CACNA1C: variants seen among roughly 807,000 people sequenced by gnomAD.
The protein encoded by CACNA1C is voltage-dependent L-type calcium channel subunit alpha-1C.
A neutral mutation model predicts 229.0 loss-of-function variants in CACNA1C; 30 were observed. That is an observed-to-expected ratio of 0.13 (90% CI 0.10 to 0.18). CACNA1C has a LOEUF of 0.18. Ranked by LOEUF, CACNA1C falls within the 10% of genes least tolerant of loss-of-function variation. The pLI, the probability that CACNA1C is intolerant of heterozygous loss-of-function variation, is 1.00. For synonymous variants in CACNA1C, 1,114 were observed against 1,132.5 expected (o/e 0.98, Z 0.33); for missense variants, 1,658 against 2,845.0 (o/e 0.58, Z 9.49).
intron 9 of CACNA1C, among the ~76,000 whole-genome samples, chr12:2,514,373 A>G (rs998369974): frequency 3.0e-4 from 45 of 152,220 alleles, no homozygotes; most frequent in Non-Finnish European, 7.3e-5. Flanking sequence ...ACAACAAGGG[A>G]CTGTTAACAA....
rs533822579 is a variant in CACNA1C at position 2,346,020 on chromosome 12, C to T, written c.478-102956C>T. 1.2e-4 allele frequency among the ~76,000 whole-genome samples: 19 copies of T among 152,242 alleles called. No individual in the cohort carries two copies. Among genetic ancestry groups the T allele is most frequent in the African/African-American group, 4.1e-4 (17 of 41,534 alleles). ...GCTTGGTCTGTGAAGGAACGTGGGC[C>T]GTATGGCAGTGATGGGAGGAGGCTG... On this transcript the variant is annotated intron_variant, in intron 3 of 46. Transcript: ENST00000399655. This position sits in a 1 kb window ranked among gnomAD's most constrained non-coding sequence, Gnocchi z 4.4.
chr12:2,092,208 C>T (rs1049708600), intron 1 of CACNA1C, among the ~76,000 whole-genome samples: 6 of 152,166 alleles, frequency 3.9e-5, no homozygotes, highest in African/African-American at 1.2e-4. Context: ...CTTTATTGCC[C>T]GCCTCCTTCC....
chr12:2,429,187 C>A (rs930467346), intron 3 of CACNA1C, among the ~76,000 whole-genome samples: 2 of 151,992 alleles, frequency 1.3e-5, no homozygotes, highest in Non-Finnish European at 2.9e-5. Flanking sequence ...ATAAGGACAT[C>A]AACATATTGG....
chr12:1,995,780 C>T (rs2040648619), intron 1 of CACNA1C, among the ~76,000 whole-genome samples: 1 of 152,224 alleles, frequency 6.6e-6, no homozygotes, highest in Admixed American at 6.5e-5. Flanking sequence ...CATAAACCCT[C>T]ATCGGTTCCT....
intron 3 of CACNA1C, among the ~76,000 whole-genome samples, chr12:2,283,020 C>CA (rs2091812045): frequency 6.9e-6 from 1 of 144,342 alleles, no homozygotes; most frequent in South Asian, 2.2e-4. Context: ...CACTCTGGCC[C>CA]TTTTTTTTTT....
At chr12:2,567,979 G>C (rs1423539155) in intron 13 of CACNA1C, among the ~76,000 whole-genome samples, 185 bp downstream of exon 13, 1 of 152,120 alleles carries the variant, frequency 6.6e-6, no homozygotes, top group African/African-American at 2.4e-5. Context: ...AATTCCTCTG[G>C]CTGCTAATAC....
intron 34 of CACNA1C, among the ~76,000 whole-genome samples, chr12:2,656,800 C>T (rs1324667743): frequency 2.0e-5 from 3 of 152,142 alleles, no homozygotes; most frequent in Non-Finnish European, 4.4e-5. Flanking sequence ...AGTTGATTTT[C>T]GACAAAGGTG....
Position 2,512,104 on chromosome 12 carries a change from A to T in CACNA1C, c.1218-708A>T, listed in dbSNP as rs373623179. 6.6e-6 allele frequency among the ~76,000 whole-genome samples: 1 copy of T among 152,220 alleles called. No individual in the cohort carries two copies. The highest frequency in any genetic ancestry group is 1.5e-5 in the Non-Finnish European group (1 of 68,044). ...GGCAGGTTGAGCTCGTCATAAGAAT[A>T]GAGATTGAGGACATTAAATCTCCTG... On this transcript the variant is annotated intron_variant, in intron 8 of 46. Coordinates refer to ENST00000399655, the MANE Select transcript of CACNA1C (RefSeq NM_000719.7). The surrounding 1 kb of genome is among the most constrained non-coding windows in gnomAD (Gnocchi z 4.3).
chr12:2,563,301 G>T (rs528558858), intron 11 of CACNA1C, among the ~76,000 whole-genome samples: 1 of 152,330 alleles, frequency 6.6e-6, no homozygotes, highest in South Asian at 2.1e-4. Context: ...GGTTGATTCT[G>T]TATCTTGGCT....
rs1355298796 is a variant in CACNA1C, at chr12:2,019,634, AAG to A, written c.139+48435_139+48436del. 1.3e-5 allele frequency among the ~76,000 whole-genome samples: 2 copies of A among 151,782 alleles called. 1 individual carries two copies. The highest frequency in any genetic ancestry group is 4.8e-5 in the African/African-American group (2 of 41,270). On this transcript the variant is annotated intron_variant, in intron 1 of 46. Transcript: ENST00000682462. Reference sequence around the variant, plus strand: ...GAAGAAAGAAAAAGAAAGAAAGAAAAAGAAAATCTAGATGGCTTCTAATGTAA... The same window carrying A: ...GAAGAAAGAAAAAGAAAGAAAGAAAAAAAATCTAGATGGCTTCTAATGTAA...
intron 4 of CACNA1C, among the ~76,000 whole-genome samples, chr12:2,451,654 T>A (rs2099373465): frequency 6.6e-6 from 1 of 152,154 alleles, no homozygotes; most frequent in Non-Finnish European, 1.5e-5. Flanking sequence ...ACCTGGTGCC[T>A]CACCTGCGGT....
At chr12:2,446,692 G>A (rs1364585668) in intron 3 of CACNA1C, among the ~76,000 whole-genome samples, 1 of 151,144 alleles carries the variant, frequency 6.6e-6, no homozygotes. Context: ...TGGGTGAATG[G>A]GTGGATAGAT....
At chr12:2,260,064 G>A (rs562784170) in intron 3 of CACNA1C, among the ~76,000 whole-genome samples, 1 of 152,336 alleles carries the variant, frequency 6.6e-6, no homozygotes. Flanking sequence ...GGCAGCCTGG[G>A]TCCAGCAGTC....
intron 42 of CACNA1C, among the ~76,000 whole-genome samples, chr12:2,681,446 C>G (rs1485936726): frequency 3.3e-5 from 5 of 152,314 alleles, no homozygotes; most frequent in African/African-American, 9.6e-5. Context: ...GTCCCAGCTC[C>G]CTTGTCCCCG....
chr12:2,195,176 G>T (rs1285636511), intron 3 of CACNA1C, among the ~76,000 whole-genome samples: 2 of 152,232 alleles, frequency 1.3e-5, no homozygotes, highest in East Asian at 1.9e-4. Flanking sequence ...TGCACACATT[G>T]TCAGTTGGTC....
At chr12:2,598,284 G>A (rs1475932045) in intron 21 of CACNA1C, among the ~76,000 whole-genome samples, 2 of 152,200 alleles carry the variant, frequency 1.3e-5, no homozygotes, top group Non-Finnish European at 2.9e-5. Flanking sequence ...GCTCAGTTCT[G>A]CTAAGGGAAC....
chr12:2,681,913 G>C (rs1346235565), intron 42 of CACNA1C: 1 of 1,182,832 alleles, frequency 8.5e-7, no homozygotes, highest in East Asian at 2.3e-5. Flanking sequence ...AGAGGCCTTG[G>C]TCCAGAGCTA....
At chr12:2,466,183 C>A (rs188549080) in intron 5 of CACNA1C, among the ~76,000 whole-genome samples, 1 of 152,246 alleles carries the variant, frequency 6.6e-6, no homozygotes, top group African/African-American at 2.4e-5. Context: ...CTGCTAAAAG[C>A]GGCTTTTCTG....
intron 1 of CACNA1C, among the ~76,000 whole-genome samples, chr12:2,073,291 A>C (rs1021284765): frequency 3.9e-5 from 6 of 152,222 alleles, no homozygotes; most frequent in Non-Finnish European, 2.9e-5. Flanking sequence ...GGCTATCTCT[A>C]TGTCACTGAA....
Sources: gnomAD v4.1 joint callset for allele counts (sites outside exome capture counted in the v4.1 genomes callset) on GRCh38, gnomAD v4.1.1 for gene constraint, Gnocchi (gnomAD v3.1) non-coding constraint, MANE v1.5 for transcripts, NCBI Gene and HGNC (gene_info 2026-07-23, HGNC 2026-07-21) for gene names.